TNR: variants seen among roughly 807,000 people sequenced by gnomAD.
TNR encodes tenascin R, also known as tenascin-R.
Under a neutral mutation model 150.4 loss-of-function variants are expected in TNR, and 45 were observed. The observed-to-expected ratio is 0.30, with a 90% CI of 0.24 to 0.38. The LOEUF (loss-of-function observed/expected upper bound fraction) is 0.38. Ranked by LOEUF, TNR falls within the 10% of genes least tolerant of loss-of-function variation. The pLI is 1.00. For missense variants in TNR, 1,544 were observed against 1,759.1 expected, an observed-to-expected ratio of 0.88 and a Z score of 2.19; for synonymous variants, 687 against 678.4, an observed-to-expected ratio of 1.01 and a Z score of -0.20.
chr1:175,414,145 CCTTACCTGGGA>C lies in TNR; in HGVS notation c.-63-7379_-63-7369del, dbSNP rs1654333078. ...AAAATAAAAGAGAGGTAAGGATACT[CCTTACCTGGGA>C]CTTCCCAGCTTCTAGAATGGTGAGA... On this transcript the variant is annotated intron_variant, in intron 2 of 22. Transcript: ENST00000367674. Among the ~76,000 whole-genome samples the C allele has an allele frequency of 4.6e-5, 7 of 152,034 alleles. No homozygotes were observed. In the South Asian group the frequency reaches 1.5e-3, roughly 32 times the overall value.
intron 2 of TNR, among the ~76,000 whole-genome samples, chr1:175,504,553 G>C (rs1658872857): frequency 6.6e-6 from 1 of 152,152 alleles, no homozygotes; most frequent in Admixed American, 6.5e-5. Context: ...CTCTGGCTGT[G>C]GCTGCTGTCT....
Position 175,465,712 on chromosome 1 carries a change from C to T in TNR, c.-63-58935G>A, listed in dbSNP as rs188773097. The stretch of plus-strand genomic sequence containing the variant: ...ATCCAGGAGCTCCACCTCCTCCTTG[C>T]TCTGATGCAGTCTTGCTCATGGTTC... On this transcript the variant is annotated intron_variant, in intron 2 of 22. Coordinates refer to ENST00000367674, the MANE Select transcript of TNR (RefSeq NM_003285.3). Among the ~76,000 whole-genome samples the T allele has an allele frequency of 2.1e-4, 32 of 152,322 alleles. No individual in the cohort carries two copies. The East Asian group carries it at 4.5e-3, about 21-fold the overall frequency.
chr1:175,673,302 T>C (rs938799272), intron 1 of TNR, among the ~76,000 whole-genome samples: 7 of 152,192 alleles, frequency 4.6e-5, no homozygotes, highest in African/African-American at 7.2e-5. Flanking sequence ...GCACCAAGCA[T>C]GTTCATTTGT....
At chr1:175,499,254 A>T (rs1249043957) in intron 2 of TNR, among the ~76,000 whole-genome samples, 1 of 152,260 alleles carries the variant, frequency 6.6e-6, no homozygotes, top group African/African-American at 2.4e-5. Context: ...AAAAATTACA[A>T]AGGAAAGCAT....
At chr1:175,709,852 A>C (rs953970479) in intron 1 of TNR, among the ~76,000 whole-genome samples, 4 of 151,854 alleles carry the variant, frequency 2.6e-5, no homozygotes, top group African/African-American at 9.7e-5. Flanking sequence ...CTTGGTGTTC[A>C]GACATGATCT....
intron 1 of TNR, among the ~76,000 whole-genome samples, chr1:175,537,439 AG>A (rs1357245956): frequency 6.6e-6 from 1 of 152,174 alleles, no homozygotes; most frequent in Non-Finnish European, 1.5e-5. Flanking sequence ...TGTGACCTTC[AG>A]GAGCAGAGCC....
At chr1:175,478,362 G>C (rs1657639917) in intron 2 of TNR, among the ~76,000 whole-genome samples, 2 of 152,188 alleles carry the variant, frequency 1.3e-5, no homozygotes, top group African/African-American at 4.8e-5. Context: ...TAGAAAGAAA[G>C]CAGAGTGCAA....
chr1:175,684,480 G>A (rs531880586), intron 1 of TNR, among the ~76,000 whole-genome samples: 1 of 152,242 alleles, frequency 6.6e-6, no homozygotes, highest in Non-Finnish European at 1.5e-5. Context: ...ACATCCTCTA[G>A]CTCGCTGTAA....
chr1:175,581,890 G>C (rs1662362890), intron 1 of TNR, among the ~76,000 whole-genome samples: 1 of 152,044 alleles, frequency 6.6e-6, no homozygotes, highest in Non-Finnish European at 1.5e-5. Flanking sequence ...CTACATGCCA[G>C]GGACTGATAG....
rs143644408 is a variant in TNR at position 175,726,875 on chromosome 1, G to A, written c.-165+16351C>T. ...TAAATATGATATACAAATAGCTCTT[G>A]ATTATAGGTAAATCAACAAAGAGGT... On this transcript the variant is annotated intron_variant, in intron 1 of 22. Coordinates refer to ENST00000367674, the MANE Select transcript of TNR (RefSeq NM_003285.3). Among the ~76,000 whole-genome samples, 876 of 152,266 alleles carry A rather than the reference G, an allele frequency of 5.8e-3. 5 individuals are homozygous for A. Among genetic ancestry groups the A allele is most frequent in the Non-Finnish European group, 0.01 (686 of 68,012 alleles).
intron 2 of TNR, among the ~76,000 whole-genome samples, chr1:175,412,420 G>A (rs1304342402): frequency 1.3e-5 from 2 of 152,152 alleles, no homozygotes; most frequent in Non-Finnish European, 2.9e-5. Flanking sequence ...TCCTTGAGAG[G>A]AGGCTTGTTT....
intron 1 of TNR, among the ~76,000 whole-genome samples, chr1:175,550,810 T>G (rs1489255866): frequency 6.6e-6 from 1 of 151,196 alleles, no homozygotes; most frequent in East Asian, 1.9e-4. Flanking sequence ...CAATATTTCA[T>G]CCATGAAACA....
chr1:175,630,468 G>C (rs1019133991), intron 1 of TNR, among the ~76,000 whole-genome samples: 2 of 152,226 alleles, frequency 1.3e-5, no homozygotes, highest in Non-Finnish European at 1.5e-5. Flanking sequence ...CATGTAGCAG[G>C]CATGGGGTTA....
chr1:175,681,920 T>G (rs1666046243), intron 1 of TNR, among the ~76,000 whole-genome samples: 1 of 152,092 alleles, frequency 6.6e-6, no homozygotes, highest in Admixed American at 6.5e-5. Context: ...GAAGGATAAC[T>G]TCTCCTTCTG....
intron 2 of TNR, among the ~76,000 whole-genome samples, chr1:175,408,009 C>T (rs1654037257): frequency 6.6e-6 from 1 of 152,198 alleles, no homozygotes; most frequent in African/African-American, 2.4e-5. Flanking sequence ...GTTCTTTTCT[C>T]CATAAGCATT....
chr1:175,605,415 G>T (rs933904604), intron 1 of TNR, among the ~76,000 whole-genome samples: 1 of 152,162 alleles, frequency 6.6e-6, no homozygotes, highest in African/African-American at 2.4e-5. Flanking sequence ...CACTTACTTA[G>T]TCATTTAACA....
intron 2 of TNR, among the ~76,000 whole-genome samples, chr1:175,498,962 T>C (rs996204518): frequency 6.6e-6 from 1 of 152,224 alleles, no homozygotes; most frequent in Non-Finnish European, 1.5e-5. Context: ...TACCACATTA[T>C]GTGTAACAAG....
intron 2 of TNR, among the ~76,000 whole-genome samples, chr1:175,513,860 C>T (rs963154625): frequency 1.6e-4 from 25 of 152,130 alleles, no homozygotes; most frequent in Non-Finnish European, 3.4e-4. Flanking sequence ...ATCTAATCCG[C>T]GGAAAATTTG....
intron 1 of TNR, among the ~76,000 whole-genome samples, chr1:175,630,019 C>G (rs972131616): frequency 1.3e-5 from 2 of 152,158 alleles, no homozygotes; most frequent in East Asian, 3.9e-4. Flanking sequence ...GTCCTCTGCC[C>G]AGGGTCATTT....
Sources: allele counts gnomAD v4.1 joint callset (sites outside exome capture counted in the v4.1 genomes callset), GRCh38; gene constraint gnomAD v4.1.1; transcripts MANE v1.5; gene names NCBI Gene and HGNC (gene_info 2026-07-23, HGNC 2026-07-21).